Variants in TDRD12 observed in about 807,000 individuals in gnomAD.
TDRD12 encodes the protein putative ATP-dependent RNA helicase TDRD12.
Under a neutral mutation model 133.5 loss-of-function variants are expected in TDRD12, and 158 were observed. The ratio of observed to expected loss-of-function variants is 1.18; its 90% CI spans 1.04 to 1.35. The LOEUF is 1.35. TDRD12 is among the 40% of genes most tolerant of loss of function. TDRD12 has a pLI of 0.00. For synonymous variants in TDRD12, 460 were observed against 477.9 expected, an observed-to-expected ratio of 0.96 and a Z score of 0.49; for missense variants, 1,443 against 1,321.3, an observed-to-expected ratio of 1.09 and a Z score of -1.43.
chr19:32,806,436 G>A (rs1420737884), intron 21 of TDRD12, among the ~76,000 whole-genome samples: 2 of 147,280 alleles, frequency 1.4e-5, no homozygotes, highest in Non-Finnish European at 3.0e-5. Context: ...TCCGCCTCCC[G>A]TGTTCAAGCA....
intron 8 of TDRD12, among the ~76,000 whole-genome samples, chr19:32,772,500 A>G (rs1333943110): frequency 6.6e-6 from 1 of 152,200 alleles, no homozygotes; most frequent in African/African-American, 2.4e-5. Context: ...AAGTTGGGAA[A>G]ATACTATTGT....
intron 10 of TDRD12, among the ~76,000 whole-genome samples, chr19:32,774,772 C>T (rs1970533625): frequency 6.6e-6 from 1 of 152,136 alleles, no homozygotes; most frequent in African/African-American, 2.4e-5. Context: ...CACCCGAGGT[C>T]AGGAGTTCAA....
At position 32,809,412 on chromosome 19, in the gene TDRD12, A is replaced by G. The variant is rs557245890; in HGVS notation, c.2653-681A>G. 1.4e-4 allele frequency among the ~76,000 whole-genome samples: 21 copies of G among 152,294 alleles called. No homozygotes were observed. In the South Asian group the frequency reaches 4.4e-3, roughly 32 times the overall value. ...CCTCTGCTTCCTCCTGCACAGGCAC[A>G]GACACTGGTGCCTGTGGGTGTCGCC... On this transcript the variant is annotated intron_variant, in intron 22 of 27. Transcript: ENST00000444215.
intron 2 of TDRD12, among the ~76,000 whole-genome samples, chr19:32,736,678 A>G (rs78491581): frequency 2.3e-4 from 35 of 152,272 alleles, no homozygotes; most frequent in African/African-American, 7.5e-4. Flanking sequence ...GTATTTTCCA[A>G]CTTATTCCCA....
chr19:32,727,350 T>C (rs1968893859), intron 1 of TDRD12, among the ~76,000 whole-genome samples: 1 of 152,246 alleles, frequency 6.6e-6, no homozygotes, highest in Non-Finnish European at 1.5e-5. Context: ...GAGTTCTCTG[T>C]ATATTCTGGG....
At chr19:32,771,772 C>T (rs951586264) in intron 8 of TDRD12, among the ~76,000 whole-genome samples, 44 of 152,114 alleles carry the variant, frequency 2.9e-4, no homozygotes, top group Non-Finnish European at 2.9e-5. Flanking sequence ...TAATTCCAAA[C>T]CAGAAGACCA....
intron 27 of TDRD12, among the ~76,000 whole-genome samples, chr19:32,819,648 C>T (rs959547440): frequency 6.6e-6 from 1 of 152,134 alleles, no homozygotes; most frequent in Non-Finnish European, 1.5e-5. Context: ...ACAGAGCATA[C>T]AGCACTGCGA....
chr19:32,788,980 T>C (rs542432792), intron 11 of TDRD12, among the ~76,000 whole-genome samples: 2 of 152,354 alleles, frequency 1.3e-5, no homozygotes, highest in Non-Finnish European at 2.9e-5. Flanking sequence ...TCAGCACCTC[T>C]GTTTGCAGCT....
At chr19:32,740,582 A>G (rs1969394031) in intron 3 of TDRD12, among the ~76,000 whole-genome samples, 2 of 151,848 alleles carry the variant, frequency 1.3e-5, no homozygotes, top group Non-Finnish European at 2.9e-5. Flanking sequence ...CGTTCTCTGC[A>G]TCTTCTGACT....
chr19:32,823,289 C>T (rs979345166), downstream of TDRD12, among the ~76,000 whole-genome samples: 1 of 152,158 alleles, frequency 6.6e-6, no homozygotes, highest in African/African-American at 2.4e-5. Flanking sequence ...GCAGCCTTGC[C>T]CACTGCCTGT....
rs949627839 is a variant in TDRD12, at chr19:32,756,898, C to T, written c.773-140C>T. On this transcript the variant is annotated intron_variant, in intron 7 of 27. Transcript: ENST00000444215. ...TTTCTGTCCACATCCAGTTTTTAGT[C>T]CCCTCACCTTGTGTCCCCTAGTCAG... is the stretch of plus-strand genomic sequence containing the variant. The T allele has an allele frequency of 8.3e-5, 52 of 630,164 alleles. 1 individual carries two copies. In the South Asian group the frequency reaches 8.3e-4, roughly 10 times the overall value. 39.0% of individuals were successfully genotyped at this position (630,164 alleles called of 1,614,324 possible). A position where few individuals can be genotyped will look rare whatever the true frequency, so the allele number is the denominator to read the frequency against.
intron 8 of TDRD12, among the ~76,000 whole-genome samples, chr19:32,760,894 A>C (rs1402764424): frequency 1.3e-5 from 2 of 152,194 alleles, no homozygotes; most frequent in African/African-American, 4.8e-5. Context: ...CTTTTTTCCC[A>C]AACCATTTGA....
At chr19:32,727,977 A>T (rs1006489177) in intron 1 of TDRD12, among the ~76,000 whole-genome samples, 2 of 152,088 alleles carry the variant, frequency 1.3e-5, no homozygotes, top group African/African-American at 4.8e-5. Context: ...CTCCAAGTTC[A>T]TTCTTTTGCA....
intron 6 of TDRD12, among the ~76,000 whole-genome samples, chr19:32,751,230 T>G (rs1969818007): frequency 1.3e-5 from 2 of 151,956 alleles, no homozygotes; most frequent in African/African-American, 4.8e-5. Flanking sequence ...TGCATTAGTT[T>G]GCTGAGGATA....
chr19:32,808,568 C>T (rs1358373339), intron 22 of TDRD12, among the ~76,000 whole-genome samples: 1 of 152,192 alleles, frequency 6.6e-6, no homozygotes, highest in African/African-American at 2.4e-5. Context: ...AACCCAGAGC[C>T]ATCTCCCAGT....
chr19:32,819,812 G>C (rs1352470986), intron 27 of TDRD12, among the ~76,000 whole-genome samples: 1 of 152,204 alleles, frequency 6.6e-6, no homozygotes, highest in Non-Finnish European at 1.5e-5. Context: ...AGATGTTAGG[G>C]AACGTGGGTC....
At chr19:32,807,520 T>G (rs763862402) in intron 21 of TDRD12, 29 bp from the exon 22 acceptor site, 21 of 1,408,828 alleles carry the variant, frequency 1.5e-5, no homozygotes, top group Non-Finnish European at 2.0e-5. Context: ...ATTACTTACT[T>G]ATGATAAGTC....
rs1348699663 is a variant in TDRD12 at position 32,802,797 on chromosome 19, G to T, written c.2331+8G>T. ...CATTTTCACGCTGAACAGGTTTGGT[G>T]AATTTTTATTCTCTTCCATATTCCA... On this transcript the variant is annotated splice_region_variant and intron_variant, in intron 20 of 27. Coordinates refer to ENST00000444215, the Ensembl canonical transcript of TDRD12. 1 of 1,536,516 alleles carries T rather than the reference G, an allele frequency of 6.5e-7. No homozygotes were observed. Among genetic ancestry groups the T allele is most frequent in the Non-Finnish European group, 8.7e-7 (1 of 1,147,002 alleles).
At chr19:32,811,418 A>G in exon 24 of TDRD12, 1 of 1,535,998 alleles carries the variant, frequency 6.5e-7, no homozygotes, top group South Asian at 1.2e-5. Flanking sequence ...ATGGAATCCG[A>G]AGGTGGGTGA....
Sources: gnomAD v4.1 joint callset for allele counts (sites outside exome capture counted in the v4.1 genomes callset) on GRCh38, gnomAD v4.1.1 for gene constraint, MANE v1.5 for transcripts, NCBI Gene and HGNC (gene_info 2026-07-23, HGNC 2026-07-21) for gene names.